AGMO: variants seen among roughly 807,000 people sequenced by gnomAD.
AGMO encodes the protein alkylglycerol monooxygenase, also known as glyceryl-ether monooxygenase.
A neutral mutation model predicts 60.2 loss-of-function variants in AGMO; 75 were observed. The ratio of observed to expected loss-of-function variants is 1.25; its 90% CI spans 1.03 to 1.51. The LOEUF (loss-of-function observed/expected upper bound fraction) is 1.51. Ranked by LOEUF, AGMO falls within the 40% of genes most tolerant of loss-of-function variation. The pLI, the probability that AGMO is intolerant of heterozygous loss-of-function variation, is 0.00. For synonymous variants in AGMO, 261 were observed against 177.1 expected (o/e 1.47, Z -3.76); for missense variants, 763 against 525.5 (o/e 1.45, Z -4.42).
At chr7:15,400,234 T>C (rs1784517610) in intron 5 of AGMO, among the ~76,000 whole-genome samples, 1 of 152,172 alleles carries the variant, frequency 6.6e-6, no homozygotes. Flanking sequence ...TACTCTTATT[T>C]CTTTACAGCA....
chr7:15,120,843 T>C, the AGMO span, among the ~76,000 whole-genome samples: 3 of 152,180 alleles, frequency 2.0e-5, no homozygotes, highest in South Asian at 2.1e-4. Flanking sequence ...TTGGGATACA[T>C]GTGCTGAGAG....
intron 12 of AGMO, among the ~76,000 whole-genome samples, chr7:15,331,962 A>G (rs1424098427): frequency 2.6e-5 from 4 of 152,062 alleles, no homozygotes; most frequent in Non-Finnish European, 5.9e-5. Context: ...AGTCCTGCCA[A>G]TGGAATGGGA....
At chr7:15,178,294 T>C in the AGMO span, among the ~76,000 whole-genome samples, 1 of 152,224 alleles carries the variant, frequency 6.6e-6, no homozygotes, top group Admixed American at 6.5e-5. Flanking sequence ...ACTTCATTGA[T>C]AGATTGGCTG....
the AGMO span, among the ~76,000 whole-genome samples, chr7:15,126,700 T>C: frequency 6.6e-6 from 1 of 152,076 alleles, no homozygotes; most frequent in Non-Finnish European, 1.5e-5. Flanking sequence ...CAAAATATTT[T>C]ACCCCAAAGC....
At chr7:15,369,942 A>C (rs2128564087) in intron 10 of AGMO, among the ~76,000 whole-genome samples, 1 of 152,262 alleles carries the variant, frequency 6.6e-6, no homozygotes, top group Middle Eastern at 3.4e-3. Flanking sequence ...CAGGAGATAT[A>C]TTTGCAGGTT....
At chr7:15,310,684 T>A (rs567740719) in intron 12 of AGMO, among the ~76,000 whole-genome samples, 34 of 152,170 alleles carry the variant, frequency 2.2e-4, no homozygotes, top group Admixed American at 9.2e-4. Context: ...TATACTATTA[T>A]CCTATTGCTG....
rs149742809 is a variant in AGMO, at chr7:15,315,918, A to G, written c.1263+49596T>C. On this transcript the variant is annotated intron_variant, in intron 12 of 12. Transcript: ENST00000342526. The stretch of plus-strand genomic sequence containing the variant: ...CATCAATTTAGTAAATGTTAATAAT[A>G]CAAGACCATTCTAATATCTACTATT... 5.7e-3 allele frequency among the ~76,000 whole-genome samples: 874 copies of G among 152,284 alleles called. 2 individuals carry two copies. The highest frequency in any genetic ancestry group is 0.018 in the African/African-American group (758 of 41,570).
chr7:15,491,974 G>A (rs776189666), intron 3 of AGMO, among the ~76,000 whole-genome samples: 1 of 152,110 alleles, frequency 6.6e-6, no homozygotes, highest in South Asian at 2.1e-4. Context: ...AGAAACATTC[G>A]CAGTGCAGTT....
chr7:15,269,077 G>A (rs1024835883), intron 12 of AGMO, among the ~76,000 whole-genome samples: 1 of 152,028 alleles, frequency 6.6e-6, no homozygotes, highest in Non-Finnish European at 1.5e-5. Flanking sequence ...GGCCATACAC[G>A]TTTTGTTCCA....
chr7:15,482,144 G>A (rs1289103896), intron 3 of AGMO, among the ~76,000 whole-genome samples: 1 of 151,298 alleles, frequency 6.6e-6, no homozygotes, highest in Non-Finnish European at 1.5e-5. Flanking sequence ...CAGAAAAAGA[G>A]AAAGAAGAAA....
At chr7:15,459,246 T>C (rs553285175) in intron 3 of AGMO, among the ~76,000 whole-genome samples, 9 of 152,282 alleles carry the variant, frequency 5.9e-5, no homozygotes, top group East Asian at 1.9e-4. Context: ...ATGAGTTGTT[T>C]TGAGTGAAAA....
chr7:15,416,281 G>A (rs1481006535), intron 5 of AGMO, among the ~76,000 whole-genome samples: 2 of 151,964 alleles, frequency 1.3e-5, no homozygotes, highest in East Asian at 1.9e-4. Context: ...TGATCTGCCC[G>A]CCTCTGCCTC....
intron 12 of AGMO, among the ~76,000 whole-genome samples, chr7:15,288,986 T>G (rs1005949967): frequency 6.6e-6 from 1 of 151,972 alleles, no homozygotes; most frequent in Non-Finnish European, 1.5e-5. Flanking sequence ...ATTTGCTAAG[T>G]GTGCTGTTGT....
At chr7:15,392,092 T>C (rs974673003) in intron 6 of AGMO, among the ~76,000 whole-genome samples, 1 of 151,902 alleles carries the variant, frequency 6.6e-6, no homozygotes, top group Admixed American at 6.6e-5. Context: ...TTTTTTGAGA[T>C]GGAGTCTCAC....
intron 12 of AGMO, among the ~76,000 whole-genome samples, chr7:15,336,939 T>A (rs1451048183): frequency 6.6e-6 from 1 of 152,206 alleles, no homozygotes; most frequent in Non-Finnish European, 1.5e-5. Context: ...TTAAAGTTCA[T>A]GAACTTCAAC....
intron 3 of AGMO, among the ~76,000 whole-genome samples, chr7:15,467,562 G>A (rs1327717622): frequency 6.6e-6 from 1 of 152,058 alleles, no homozygotes; most frequent in African/African-American, 2.4e-5. Flanking sequence ...CTCCACAAAG[G>A]TGCATGGGAA....
At chr7:15,347,760 A>C (rs901850798) in intron 12 of AGMO, among the ~76,000 whole-genome samples, 1 of 152,080 alleles carries the variant, frequency 6.6e-6, no homozygotes, top group Admixed American at 6.6e-5. Flanking sequence ...CAGATCAAGC[A>C]AAGTATAGAC....
At chr7:15,304,903 A>C (rs1401691524) in intron 12 of AGMO, among the ~76,000 whole-genome samples, 2 of 152,030 alleles carry the variant, frequency 1.3e-5, no homozygotes, top group Non-Finnish European at 2.9e-5. Flanking sequence ...ATAACAAATG[A>C]TTTAGTTAAA....
intron 2 of AGMO, among the ~76,000 whole-genome samples, chr7:15,549,535 G>A (rs1784885296): frequency 6.6e-6 from 1 of 151,854 alleles, no homozygotes; most frequent in African/African-American, 2.4e-5. Flanking sequence ...TGATAGAACA[G>A]ACTTTAAACC....
Sources: allele counts gnomAD v4.1 joint callset (sites outside exome capture counted in the v4.1 genomes callset), GRCh38; gene constraint gnomAD v4.1.1; transcripts MANE v1.5; gene names NCBI Gene and HGNC (gene_info 2026-07-23, HGNC 2026-07-21).